The following SRD5A1 variants were observed in gnomAD, a reference collection of about 807,000 sequenced individuals.
SRD5A1 encodes steroid 5 alpha-reductase 1.
In SRD5A1, 22 loss-of-function variants were observed where a neutral mutation model predicts 28.2. That is an observed-to-expected ratio of 0.78 (90% confidence interval 0.56 to 1.12). The LOEUF (loss-of-function observed/expected upper bound fraction) is 1.12. Among genes scored for constraint, SRD5A1 ranks in the 50% most tolerant of loss-of-function variants. The pLI is 0.00. For synonymous variants in SRD5A1, 151 were observed against 135.0 expected (o/e 1.12, Z -0.82); for missense variants, 300 against 346.7 (o/e 0.87, Z 1.07).
intron 3 of SRD5A1, among the ~76,000 whole-genome samples, chr5:6,659,582 A>G (rs1022787337): frequency 6.6e-6 from 1 of 152,236 alleles, no homozygotes; most frequent in Non-Finnish European, 1.5e-5. Context: ...AAAACAAGAC[A>G]CAAGAGCGTC....
intron 1 of SRD5A1, among the ~76,000 whole-genome samples, chr5:6,639,245 A>G (rs951928307): frequency 1.3e-5 from 2 of 152,226 alleles, no homozygotes; most frequent in African/African-American, 4.8e-5. Context: ...CTTACTTTAA[A>G]CGCTTTAAAG....
At chr5:6,666,488 T>C (rs1229853676) in intron 4 of SRD5A1, among the ~76,000 whole-genome samples, 1 of 152,170 alleles carries the variant, frequency 6.6e-6, no homozygotes, top group African/African-American at 2.4e-5. Flanking sequence ...TTCAATGAAA[T>C]CTTTCTATAA....
intron 2 of SRD5A1, 131 bp downstream of exon 2, chr5:6,652,139 G>A (rs3733773): frequency 0.35 from 359,374 of 1,038,988 alleles, 64,423 homozygotes; most frequent in Middle Eastern, 0.38. Context: ...GCAGCACCCC[G>A]GAGTCCCATG....
At chr5:6,666,181 T>C (rs1464162752) in intron 4 of SRD5A1, among the ~76,000 whole-genome samples, 1 of 152,062 alleles carries the variant, frequency 6.6e-6, no homozygotes, top group East Asian at 1.9e-4. Flanking sequence ...ACAGTCTCGC[T>C]CTGTCGCCCA....
At chr5:6,645,028 C>A (rs1245880951) in intron 1 of SRD5A1, 4 of 455,780 alleles carry the variant, frequency 8.8e-6, no homozygotes, top group Non-Finnish European at 1.8e-5. Context: ...CCAACACGTG[C>A]TTTGCTGTAA....
intron 1 of SRD5A1, among the ~76,000 whole-genome samples, chr5:6,645,645 A>G (rs751412106): frequency 2.8e-4 from 42 of 152,070 alleles, no homozygotes; most frequent in Non-Finnish European, 4.9e-4. Context: ...ATCTCAAAAA[A>G]AAAAAAAAAA....
intron 3 of SRD5A1, among the ~76,000 whole-genome samples, chr5:6,660,840 G>T (rs2126548696): frequency 6.6e-6 from 1 of 152,318 alleles, no homozygotes; most frequent in South Asian, 2.1e-4. Flanking sequence ...CCGCATGGCT[G>T]GGGAGGACTC....
chr5:6,653,334 A>G (rs1738734763), intron 2 of SRD5A1: 1 of 152,242 alleles, frequency 6.6e-6, no homozygotes, highest in African/African-American at 2.4e-5. Context: ...CTGTGCCTCC[A>G]TGAAATGCTA....
At chr5:6,652,633 A>AGGCT (rs1738712669) in intron 2 of SRD5A1, among the ~76,000 whole-genome samples, 1 of 152,110 alleles carries the variant, frequency 6.6e-6, no homozygotes, top group African/African-American at 2.4e-5. Context: ...GCACTTTGGG[A>AGGCT]GGCTGAGGTG....
intron 1 of SRD5A1, among the ~76,000 whole-genome samples, chr5:6,649,017 C>T (rs2126535338): frequency 6.6e-6 from 1 of 152,294 alleles, no homozygotes; most frequent in East Asian, 1.9e-4. Flanking sequence ...TGGAGGTCCG[C>T]TCCAGACCCT....
chr5:6,665,725 A>G (rs973042858), intron 4 of SRD5A1, among the ~76,000 whole-genome samples: 2 of 152,144 alleles, frequency 1.3e-5, no homozygotes, highest in Non-Finnish European at 2.9e-5. Flanking sequence ...AAGATTGAAC[A>G]TGGGCACACC....
chr5:6,636,532 A>G (rs8192133), intron 1 of SRD5A1, among the ~76,000 whole-genome samples: 54,148 of 152,036 alleles, frequency 0.36, 9,960 homozygotes, highest in Middle Eastern at 0.43. Context: ...GCCTTGGGGA[A>G]CTAGAGCCTC....
At chr5:6,652,823 A>G (rs1738717385) in intron 2 of SRD5A1, among the ~76,000 whole-genome samples, 1 of 145,864 alleles carries the variant, frequency 6.9e-6, no homozygotes, top group Non-Finnish European at 1.5e-5. Flanking sequence ...GCAGTAAGCC[A>G]TGATTGTGCC....
rs1438490843 is a variant in SRD5A1, at chr5:6,656,267, C to G, written c.562+88C>G. 3 of 991,146 alleles carry G rather than the reference C, an allele frequency of 3.0e-6. No individual in the cohort carries two copies. In the South Asian group the frequency reaches 4.2e-5, roughly 14 times the overall value. 61.4% of individuals were successfully genotyped at this position (991,146 alleles called of 1,614,324 possible). A position where few individuals can be genotyped will look rare whatever the true frequency, so the allele number is the denominator to read the frequency against. ...TGTTGCCAGCTCTAAGAAGTAGTAG[C>G]GTAGTAGTTATTAGCTACAAGTTTT... On this transcript the variant is annotated intron_variant, in intron 3 of 4. Transcript: ENST00000274192.
chr5:6,664,547 G>C (rs1434204485), intron 4 of SRD5A1, among the ~76,000 whole-genome samples: 2 of 152,126 alleles, frequency 1.3e-5, no homozygotes, highest in African/African-American at 4.8e-5. Context: ...TGGGATTACA[G>C]GCATGCACCA....
At position 6,633,752 on chromosome 5, in the gene SRD5A1, A is replaced by G. The variant is rs1489033959; in HGVS notation, c.176A>G (p.Gln59Arg). ...RVPARAAWVV[Q>R]ELPSLALPLY... ...CCGGCGCGGGCCGCCTGGGTGGTGC[A>G]GGAGCTGCCCTCGCTGGCCCTGCCG... Residue 59 changes from glutamine to arginine, a missense_variant, in exon 1 of 5, where the codon CAG (glutamine) becomes CGG (arginine). Coordinates refer to ENST00000274192, the MANE Select transcript of SRD5A1 (RefSeq NM_001047.4). The G allele has an allele frequency of 6.3e-7, 1 of 1,596,804 alleles. No individual in the cohort carries two copies. Among genetic ancestry groups the G allele is most frequent in the African/African-American group, 1.3e-5 (1 of 75,006 alleles).
chr5:6,663,854 A>G (rs1326812287), intron 4 of SRD5A1, among the ~76,000 whole-genome samples: 1 of 151,558 alleles, frequency 6.6e-6, no homozygotes, highest in Non-Finnish European at 1.5e-5. Context: ...AGTGAGACTC[A>G]GTCTCAAAAA....
In SRD5A1 at chr5:6,633,741, C is replaced by T. The variant is rs754542305; in HGVS notation, c.165C>T (p.Ala55=). ...SHRLRVPARA[A]WVVQELPSLA... ...GGCTCCGAGTGCCGGCGCGGGCCGC[C>T]TGGGTGGTGCAGGAGCTGCCCTCGC... The change falls in exon 1 of 5, where the codon GCC becomes GCT. Residue 55 remains alanine, a synonymous_variant. Transcript: ENST00000274192. 1.4e-5 allele frequency: 22 copies of T among 1,595,640 alleles called. No homozygotes were observed. The African/African-American group carries it at 2.8e-4, about 20-fold the overall frequency.
intron 1 of SRD5A1, among the ~76,000 whole-genome samples, chr5:6,650,817 C>T (rs1738649943): frequency 1.4e-5 from 2 of 147,176 alleles, no homozygotes; most frequent in Admixed American, 6.8e-5. Context: ...CAACAGTCCC[C>T]AGAGTGTGAT....
Sources: gnomAD v4.1 joint callset for allele counts (sites outside exome capture counted in the v4.1 genomes callset) on GRCh38, gnomAD v4.1.1 for gene constraint, MANE v1.5 for transcripts, NCBI Gene and HGNC (gene_info 2026-07-23, HGNC 2026-07-21) for gene names.